The following ZDHHC7 variants were observed in gnomAD, a reference collection of about 807,000 sequenced individuals.
ZDHHC7 encodes zDHHC palmitoyltransferase 7.
A neutral mutation model predicts 34.1 loss-of-function variants in ZDHHC7; 12 were observed. That is an observed-to-expected ratio of 0.35 (90% CI 0.23 to 0.57). The LOEUF (loss-of-function observed/expected upper bound fraction) is 0.57. ZDHHC7 is among the 20% of genes least tolerant of loss of function. The probability of loss-of-function intolerance (pLI) is 0.84; values close to 1 mark genes in which losing one functional copy is unlikely to be tolerated. For synonymous variants in ZDHHC7, 185 were observed against 155.4 expected (o/e 1.19, Z -1.42); for missense variants, 388 against 402.7 (o/e 0.96, Z 0.31).
chr16:84,999,952 T>C (rs2072632167), intron 1 of ZDHHC7, among the ~76,000 whole-genome samples: 1 of 151,986 alleles, frequency 6.6e-6, no homozygotes. Context: ...AAGACTAATC[T>C]GGGCAACATG....
At chr16:85,012,423 T>C (rs1002183448), upstream of ZDHHC7, among the ~76,000 whole-genome samples, 1 of 150,332 alleles carries the variant, frequency 6.7e-6, no homozygotes, top group Non-Finnish European at 1.5e-5. Flanking sequence ...AATAAAATTA[T>C]GACTCTCACA....
At chr16:85,006,745 G>A (rs2072721957) in intron 1 of ZDHHC7, among the ~76,000 whole-genome samples, 1 of 152,086 alleles carries the variant, frequency 6.6e-6, no homozygotes, top group Middle Eastern at 3.4e-3. Context: ...CTCAAAAATA[G>A]TAATAATAAA....
intron 3 of ZDHHC7, chr16:84,989,002 A>T: frequency 2.2e-6 from 2 of 919,554 alleles, no homozygotes; most frequent in Non-Finnish European, 3.3e-6. Flanking sequence ...AAGGAAGGAG[A>T]GGGCGGAGAC....
At chr16:84,993,606 C>T (rs2072538583) in intron 2 of ZDHHC7, among the ~76,000 whole-genome samples, 1 of 151,352 alleles carries the variant, frequency 6.6e-6, no homozygotes, top group Non-Finnish European at 1.5e-5. Flanking sequence ...CCCACCACTG[C>T]AGTCCAGCCT....
At chr16:84,995,568 G>A (rs1223378977) in intron 2 of ZDHHC7, among the ~76,000 whole-genome samples, 1 of 152,190 alleles carries the variant, frequency 6.6e-6, no homozygotes, top group Non-Finnish European at 1.5e-5. Flanking sequence ...AGAGGTCGCA[G>A]AGAGCCAAGA....
intron 3 of ZDHHC7, among the ~76,000 whole-genome samples, chr16:84,989,984 G>A (rs972382796): frequency 6.6e-6 from 1 of 152,180 alleles, no homozygotes; most frequent in African/African-American, 2.4e-5. Context: ...TGAGCTGCAA[G>A]ATCTGTACGA....
intron 1 of ZDHHC7, among the ~76,000 whole-genome samples, chr16:85,009,721 T>A (rs1373929560): frequency 6.7e-6 from 1 of 148,506 alleles, no homozygotes; most frequent in African/African-American, 2.5e-5. Flanking sequence ...TTTTTTTTTT[T>A]TTTTTGAGAC....
At chr16:85,017,938 G>C in the ZDHHC7 span, among the ~76,000 whole-genome samples, 5 of 152,190 alleles carry the variant, frequency 3.3e-5, no homozygotes, top group Non-Finnish European at 5.9e-5. Context: ...CTGGGAAAAG[G>C]TGGAGATTTC....
Position 84,990,550 on chromosome 16 carries a change from A to G in ZDHHC7, c.69T>C (p.Tyr23=). The G allele has an allele frequency of 1.9e-6, 3 of 1,614,148 alleles. No individual in the cohort carries two copies. In the South Asian group the frequency reaches 3.3e-5, roughly 18 times the overall value. The change falls in exon 3 of 8, where the codon TAT becomes TAC. Residue 23 remains tyrosine (Y), a synonymous_variant. Coordinates refer to ENST00000313732, the MANE Select transcript of ZDHHC7 (RefSeq NM_017740.3). ...CGGAGGAGGAGGACGATGAAGAGTCATAGTTGTCATTTTCAGCCAGGAGAG... is the reference window on the plus strand; with the variant it reads ...CGGAGGAGGAGGACGATGAAGAGTCGTAGTTGTCATTTTCAGCCAGGAGAG... ...HHPLLAENDN[Y]DSSSSSSSEA...
At chr16:85,017,872 A>G in the ZDHHC7 span, among the ~76,000 whole-genome samples, 1 of 152,198 alleles carries the variant, frequency 6.6e-6, no homozygotes, top group Non-Finnish European at 1.5e-5. Context: ...AGGGGGTTTG[A>G]GGTTGCTACC....
At chr16:85,010,506 G>A (rs757458001) in intron 1 of ZDHHC7, among the ~76,000 whole-genome samples, 2 of 152,182 alleles carry the variant, frequency 1.3e-5, no homozygotes, top group Non-Finnish European at 2.9e-5. Context: ...GTGCGCTTAA[G>A]TGCATACACT....
intron 3 of ZDHHC7, among the ~76,000 whole-genome samples, chr16:84,985,657 T>C (rs2072426691): frequency 6.6e-6 from 1 of 152,024 alleles, no homozygotes; most frequent in Admixed American, 6.6e-5. Flanking sequence ...AAAAAAATTA[T>C]AAAAGAATTG....
At chr16:85,001,274 C>G (rs867225172) in intron 1 of ZDHHC7, among the ~76,000 whole-genome samples, 5 of 152,032 alleles carry the variant, frequency 3.3e-5, no homozygotes, top group Admixed American at 6.6e-5. Context: ...AGTTCAAGAC[C>G]AGCCTAGCCA....
intron 2 of ZDHHC7, among the ~76,000 whole-genome samples, chr16:84,995,024 T>G (rs1407932251): frequency 6.6e-6 from 1 of 152,118 alleles, no homozygotes; most frequent in African/African-American, 2.4e-5. Context: ...GCACAGCCAT[T>G]TGAGATGCGG....
At chr16:85,003,185 G>A (rs2072674775) in intron 1 of ZDHHC7, among the ~76,000 whole-genome samples, 1 of 152,164 alleles carries the variant, frequency 6.6e-6, no homozygotes, top group Non-Finnish European at 1.5e-5. Flanking sequence ...CCGAAACTCA[G>A]GGCACTGAGG....
chr16:84,979,581 G>A lies in ZDHHC7; in HGVS notation c.441-296C>T, dbSNP rs538956013. Among the ~76,000 whole-genome samples, 56 of 152,158 alleles carry A rather than the reference G, an allele frequency of 3.7e-4. 1 individual carries two copies. In the Middle Eastern group the frequency reaches 0.024, roughly 65 times the overall value. ...AGAGCTGGATCATGTACACCTATCAGTAATGTTCCTAATTTTGCAAGCTTA... is the reference window on the plus strand; with the variant it reads ...AGAGCTGGATCATGTACACCTATCAATAATGTTCCTAATTTTGCAAGCTTA... On this transcript the variant is annotated intron_variant, in intron 4 of 7. Transcript: ENST00000313732.
chr16:85,013,457 G>A (rs2072820148), upstream of ZDHHC7, among the ~76,000 whole-genome samples: 1 of 152,042 alleles, frequency 6.6e-6, no homozygotes, highest in Admixed American at 6.6e-5. Flanking sequence ...TGGCCAGGCT[G>A]GTCTTGAACT....
chr16:85,006,733 G>A (rs957183595), intron 1 of ZDHHC7, among the ~76,000 whole-genome samples: 5 of 105,644 alleles, frequency 4.7e-5, no homozygotes, highest in African/African-American at 1.5e-4. Context: ...GAATAACACC[G>A]TCTCAAAAAT....
At chr16:84,977,402 A>T (rs2072312308) in intron 6 of ZDHHC7, 177 bp from the exon 7 acceptor site, 1 of 723,868 alleles carries the variant, frequency 1.4e-6, no homozygotes, top group Non-Finnish European at 2.2e-6. Flanking sequence ...CCACCCTTCC[A>T]AGCAAAAATT....
Sources: gnomAD v4.1 joint callset for allele counts (sites outside exome capture counted in the v4.1 genomes callset) on GRCh38, gnomAD v4.1.1 for gene constraint, MANE v1.5 for transcripts, NCBI Gene and HGNC (gene_info 2026-07-23, HGNC 2026-07-21) for gene names.